Variants in STON1 observed in about 807,000 individuals in gnomAD.
STON1 encodes the protein stonin 1, also known as stonin-1.
In STON1, 79 loss-of-function variants were observed where a neutral mutation model predicts 60.9. The observed-to-expected ratio is 1.30, with a 90% CI of 1.08 to 1.56. The LOEUF (loss-of-function observed/expected upper bound fraction) is 1.56, where lower values mean the gene tolerates loss of function less well. Ranked by LOEUF, STON1 falls within the 40% of genes most tolerant of loss-of-function variation. The pLI, the probability that STON1 is intolerant of heterozygous loss-of-function variation, is 0.00. For missense variants in STON1, 1,166 were observed against 858.9 expected, an observed-to-expected ratio of 1.36 and a Z score of -4.47; for synonymous variants, 363 against 306.9, an observed-to-expected ratio of 1.18 and a Z score of -1.91.
chr2:48,582,195 A>G lies in STON1; in HGVS notation c.1562A>G (p.Tyr521Cys), dbSNP rs866257056. The G allele has an allele frequency of 3.1e-6, 5 of 1,614,094 alleles. No individual in the cohort carries two copies. In the African/African-American group the frequency reaches 5.3e-5, roughly 17 times the overall value. ...GAGCTGATGCGTTTCAAGACTTTGT[A>G]TAATGGGGATAATCTTCCCTTTTCC... ...RFELMRFKTL[Y>C]NGDNLPFSLK... is the part of the protein sequence containing the mutation. The change falls in exon 2 of 4, where the codon TAT becomes TGT. Residue 521 changes from tyrosine to cysteine, a missense_variant. By Grantham distance (194) the Tyr-to-Cys change is radical. Coordinates refer to ENST00000404752, the MANE Select transcript of STON1 (RefSeq NM_006873.4).
intron 1 of STON1, among the ~76,000 whole-genome samples, chr2:48,549,691 A>C (rs1243697499): frequency 6.6e-6 from 1 of 151,782 alleles, no homozygotes; most frequent in Non-Finnish European, 1.5e-5. Flanking sequence ...GGGCTCCTGT[A>C]ATCCCAGCTA....
intron 1 of STON1, among the ~76,000 whole-genome samples, chr2:48,568,842 T>C (rs2103861095): frequency 6.6e-6 from 1 of 152,248 alleles, no homozygotes; most frequent in South Asian, 2.1e-4. Context: ...GCTGGAGAAA[T>C]AGGCTCTTCT....
chr2:48,578,766 T>G (rs1291684761), intron 1 of STON1, among the ~76,000 whole-genome samples: 2 of 151,916 alleles, frequency 1.3e-5, no homozygotes, highest in Non-Finnish European at 2.9e-5. Flanking sequence ...AACTTTTGTA[T>G]TTTTAGTAGA....
chr2:48,539,489 G>T (rs1487418447), intron 1 of STON1, among the ~76,000 whole-genome samples: 1 of 151,850 alleles, frequency 6.6e-6, no homozygotes, highest in Non-Finnish European at 1.5e-5. Context: ...CCCATGTGTG[G>T]TGTTATGATA....
chr2:48,572,885 C>G (rs531423226), intron 1 of STON1, among the ~76,000 whole-genome samples: 26 of 152,190 alleles, frequency 1.7e-4, no homozygotes, highest in Non-Finnish European at 3.4e-4. Flanking sequence ...GAAGGTGCTT[C>G]ACAGCAACTT....
chr2:48,545,911 A>G lies in STON1; in HGVS notation c.-48+15695A>G, dbSNP rs146936619. Among the ~76,000 whole-genome samples the G allele has an allele frequency of 4.7e-3, 712 of 152,340 alleles. 21 individuals are homozygous for G. The highest frequency in any genetic ancestry group is 4.6e-3 in the East Asian group (24 of 5,190). On this transcript the variant is annotated intron_variant, in intron 1 of 3. Transcript: ENST00000404752. ...CATTACTTTCTGGGGCCACCAAGTC[A>G]CTGTGGAGAATGATGAGGGTGATGT... is the stretch of plus-strand genomic sequence containing the variant.
Position 48,581,544 on chromosome 2 carries a change from G to C in STON1, c.911G>C (p.Gly304Ala). The part of the protein sequence containing the change: ...WGPIFLKVLP[G>A]GILQMYYEQG... ...CCAATTTTTCTGAAAGTTTTGCCTGGAGGAATTTTGCAGATGTATTATGAA... is the reference window on the plus strand; with the variant it reads ...CCAATTTTTCTGAAAGTTTTGCCTGCAGGAATTTTGCAGATGTATTATGAA... Residue 304 changes from glycine to alanine, a missense_variant, in exon 2 of 4, where the codon GGA becomes GCA. Transcript: ENST00000404752. 1 of 1,614,196 alleles carries C rather than the reference G, an allele frequency of 6.2e-7. No homozygotes were observed. The highest frequency in any genetic ancestry group is 8.5e-7 in the Non-Finnish European group (1 of 1,180,034).
At chr2:48,591,948 GTA>G in intron 3 of STON1, 93 bp downstream of exon 3, 2 of 1,452,678 alleles carry the variant, frequency 1.4e-6, no homozygotes, top group Non-Finnish European at 9.2e-7. Flanking sequence ...GTGTGTGTGT[GTA>G]TATGTGTGGT....
intron 1 of STON1, among the ~76,000 whole-genome samples, chr2:48,539,022 A>G (rs1034456782): frequency 6.6e-6 from 1 of 151,966 alleles, no homozygotes; most frequent in African/African-American, 2.4e-5. Context: ...GGCTCAAGCT[A>G]TCCTCTTGCC....
intron 2 of STON1, among the ~76,000 whole-genome samples, chr2:48,586,229 TAACTGATTCAATCAACA>T (rs1199985509): frequency 6.6e-6 from 1 of 152,246 alleles, no homozygotes; most frequent in Non-Finnish European, 1.5e-5. Flanking sequence ...TTGGTGTAGT[TAACTGATTCAATCAACA>T]AGAATTTATT....
In STON1 at chr2:48,596,815, G is replaced by C. The variant is rs571531530; in HGVS notation, c.*1513G>C. ...ACTGTAAAGGCAAAGAATGCAATAG[G>C]TGATGGTTGGTTGAAAGGAATTGTT... On this transcript the variant is annotated 3_prime_UTR_variant, in exon 4 of 4. Coordinates refer to ENST00000404752, the MANE Select transcript of STON1 (RefSeq NM_006873.4). 92 of 152,192 alleles carry C rather than the reference G, an allele frequency of 6.0e-4. No homozygotes were observed. Among genetic ancestry groups the C allele is most frequent in the African/African-American group, 2.1e-3 (89 of 41,518 alleles). The allele number at this position is 152,192 out of a possible 1,614,324, so 9.4% of individuals were successfully genotyped here. A position where few individuals can be genotyped will look rare whatever the true frequency, so the allele number is the denominator to read the frequency against.
At chr2:48,588,785 G>A (rs766058753) in intron 2 of STON1, among the ~76,000 whole-genome samples, 2 of 152,104 alleles carry the variant, frequency 1.3e-5, no homozygotes, top group Non-Finnish European at 2.9e-5. Context: ...CTGGAAAGGT[G>A]GGGAGGGCTG....
At position 48,582,274 on chromosome 2, in the gene STON1, C is replaced by T; in HGVS notation, c.1641C>T (p.Val547=). ...CATACGTGGAACTTCAGGCTTTTGT[C>T]AACATGGCCTCATTGGCGCAGAGGT... ...QGAYVELQAF[V]NMASLAQRSS... The change falls in exon 2 of 4, where the codon GTC becomes GTT. Residue 547 remains valine (V), a synonymous_variant. Transcript: ENST00000404752. 2 of 1,614,186 alleles carry T rather than the reference C, an allele frequency of 1.2e-6. No homozygotes were observed. The highest frequency in any genetic ancestry group is 2.2e-5 in the South Asian group (2 of 91,082).
At chr2:48,565,551 G>A (rs1463803354) in intron 1 of STON1, among the ~76,000 whole-genome samples, 3 of 152,202 alleles carry the variant, frequency 2.0e-5, no homozygotes, top group Non-Finnish European at 4.4e-5. Flanking sequence ...ATCTAAGACA[G>A]GGAATTATAT....
chr2:48,581,523 T>C lies in STON1; in HGVS notation c.890T>C (p.Ile297Thr), dbSNP rs1673885412. The change falls in exon 2 of 4, where the codon ATT becomes ACT. Residue 297 changes from isoleucine to threonine, a missense_variant. Ile to Thr is a moderately conservative substitution (Grantham distance 89). Coordinates refer to ENST00000404752, the MANE Select transcript of STON1 (RefSeq NM_006873.4). ...NMMSSRQWGP[I>T]FLKVLPGGIL... ...ATGTCTTCCCGGCAATGGGGACCAA[T>C]TTTTCTGAAAGTTTTGCCTGGAGGA... 6.2e-7 allele frequency: 1 copy of C among 1,614,254 alleles called. No homozygotes were observed. Among genetic ancestry groups the C allele is most frequent in the Non-Finnish European group, 8.5e-7 (1 of 1,180,042 alleles).
intron 1 of STON1, among the ~76,000 whole-genome samples, chr2:48,551,131 T>G (rs1294747961): frequency 6.6e-6 from 1 of 152,170 alleles, no homozygotes; most frequent in Non-Finnish European, 1.5e-5. Flanking sequence ...AAGAACAACT[T>G]CTTCTTAAAC....
At position 48,581,917 on chromosome 2, in the gene STON1, A is replaced by G. The variant is rs766041160; in HGVS notation, c.1284A>G (p.Thr428=). The change falls in exon 2 of 4, where the codon ACA becomes ACG. Residue 428 remains threonine, a synonymous_variant. Coordinates refer to ENST00000404752, the MANE Select transcript of STON1 (RefSeq NM_006873.4). ...EIVDNFWGKV[T]KEGKFVESAV... is the part of the protein sequence containing the mutation. ...TGGACAACTTTTGGGGTAAAGTCAC[A>G]AAAGAAGGAAAATTTGTTGAAAGTG... 3.1e-6 allele frequency: 5 copies of G among 1,614,126 alleles called. No individual in the cohort carries two copies. Among genetic ancestry groups the G allele is most frequent in the Non-Finnish European group, 4.2e-6 (5 of 1,180,016 alleles).
intron 2 of STON1, among the ~76,000 whole-genome samples, chr2:48,586,257 GAGA>G (rs1183922226): frequency 6.6e-6 from 1 of 152,188 alleles, no homozygotes; most frequent in Non-Finnish European, 1.5e-5. Flanking sequence ...AGAATTTATT[GAGA>G]AGGAGTCTCA....
chr2:48,535,952 G>A (rs991260799), intron 1 of STON1, among the ~76,000 whole-genome samples: 1 of 152,034 alleles, frequency 6.6e-6, no homozygotes, highest in Non-Finnish European at 1.5e-5. Context: ...GCTGGGCATG[G>A]TGGTGTGCCC....
Sources: allele counts gnomAD v4.1 joint callset (sites outside exome capture counted in the v4.1 genomes callset), GRCh38; gene constraint gnomAD v4.1.1; transcripts MANE v1.5; gene names NCBI Gene and HGNC (gene_info 2026-07-23, HGNC 2026-07-21).